PSIP1: variants seen among roughly 807,000 people sequenced by gnomAD.
The protein encoded by PSIP1 is PC4 and SRSF1 interacting protein 1.
PSIP1 carries 19 observed loss-of-function variants against 74.7 expected under a neutral mutation model. The observed-to-expected ratio is 0.25, with a 90% confidence interval of 0.18 to 0.37. PSIP1 has a LOEUF of 0.37. PSIP1 is among the 10% of genes least tolerant of loss of function. The pLI, the probability that PSIP1 is intolerant of heterozygous loss-of-function variation, is 1.00. For synonymous variants in PSIP1, 222 were observed against 195.3 expected (o/e 1.14, Z -1.14); for missense variants, 601 against 614.3 (o/e 0.98, Z 0.23).
intron 3 of PSIP1, among the ~76,000 whole-genome samples, chr9:15,497,871 T>A (rs914394028): frequency 2.6e-5 from 4 of 152,210 alleles, no homozygotes; most frequent in African/African-American, 9.6e-5. Flanking sequence ...CTTATTTGTA[T>A]ATATACATAT....
At chr9:15,489,008 G>C (rs369949951) in intron 4 of PSIP1, among the ~76,000 whole-genome samples, 5 of 152,008 alleles carry the variant, frequency 3.3e-5, no homozygotes, top group African/African-American at 4.8e-5. Flanking sequence ...GCGACAGAGC[G>C]AGACTCCTCT....
At chr9:15,491,573 G>C (rs1372107540) in intron 3 of PSIP1, among the ~76,000 whole-genome samples, 3 of 152,080 alleles carry the variant, frequency 2.0e-5, no homozygotes, top group Non-Finnish European at 2.9e-5. Context: ...TACACAGATA[G>C]TTCTTAATTT....
intron 6 of PSIP1, 117 bp from the exon 7 acceptor site, chr9:15,479,804 C>T (rs1224788601): frequency 3.6e-6 from 2 of 548,132 alleles, no homozygotes; most frequent in African/African-American, 3.9e-5. Flanking sequence ...GATATAACCT[C>T]TATATGATCT....
chr9:15,504,827 A>G (rs1310084064), intron 3 of PSIP1: 3 of 152,200 alleles, frequency 2.0e-5, no homozygotes, highest in Non-Finnish European at 4.4e-5. Flanking sequence ...ATGCTAAGGA[A>G]TGTCCACTCA....
chr9:15,471,529 C>A (rs2035830603), intron 10 of PSIP1: 1 of 975,030 alleles, frequency 1.0e-6, no homozygotes, highest in Non-Finnish European at 1.2e-6. Context: ...AACAGTCCAA[C>A]AGCTTTTCAG....
intron 2 of PSIP1, 55 bp from the exon 3 acceptor site, chr9:15,506,692 T>C (rs1255787041): frequency 1.4e-5 from 18 of 1,326,358 alleles, no homozygotes; most frequent in Non-Finnish European, 1.9e-5. Flanking sequence ...ACCTCAACAT[T>C]TATCTGAATA....
rs80175383 is a variant in PSIP1, at chr9:15,477,952, C to T, written c.629+525G>A. 6.4e-3 allele frequency among the ~76,000 whole-genome samples: 972 copies of T among 151,092 alleles called. 3 individuals carry two copies. The highest frequency in any genetic ancestry group is 0.012 in the Non-Finnish European group (781 of 67,736). The stretch of plus-strand genomic sequence containing the variant: ...CAGGAGTTTGAGACCAGCCTGGGAA[C>T]GATGAGACCAGTCTCATCAAAAAAA... On this transcript the variant is annotated intron_variant, in intron 8 of 15. Transcript: ENST00000380733.
At chr9:15,501,746 T>C (rs1178101975) in intron 3 of PSIP1, among the ~76,000 whole-genome samples, 1 of 151,386 alleles carries the variant, frequency 6.6e-6, no homozygotes, top group Admixed American at 6.6e-5. Flanking sequence ...GACTAGACAG[T>C]TGTACCTCCG....
chr9:15,496,312 A>G (rs532132079), intron 3 of PSIP1, among the ~76,000 whole-genome samples: 67 of 152,320 alleles, frequency 4.4e-4, no homozygotes, highest in African/African-American at 1.6e-3. Context: ...CTGCCTATAT[A>G]TACCCTTCTC....
intron 3 of PSIP1, among the ~76,000 whole-genome samples, chr9:15,494,526 T>C (rs1286943704): frequency 3.2e-5 from 4 of 123,206 alleles, no homozygotes; most frequent in South Asian, 5.0e-4. Context: ...GATCACACCA[T>C]TGCACTCCAG....
chr9:15,494,238 C>G (rs1428801493), intron 3 of PSIP1, among the ~76,000 whole-genome samples: 4 of 152,068 alleles, frequency 2.6e-5, no homozygotes, highest in Non-Finnish European at 4.4e-5. Flanking sequence ...TAAAAAGGCT[C>G]TAAAATAAAA....
intron 8 of PSIP1, among the ~76,000 whole-genome samples, chr9:15,478,154 T>A (rs982179908): frequency 6.6e-6 from 1 of 150,796 alleles, no homozygotes; most frequent in Non-Finnish European, 1.5e-5. Flanking sequence ...AAAAAAAAAT[T>A]TGTGACATTA....
chr9:15,474,670 C>A (rs1278396629), intron 8 of PSIP1, among the ~76,000 whole-genome samples: 2 of 152,184 alleles, frequency 1.3e-5, no homozygotes, highest in African/African-American at 4.8e-5. Flanking sequence ...CCCATCACCA[C>A]TGAATTTCAC....
At chr9:15,490,321 C>A (rs1001023129) in intron 3 of PSIP1, among the ~76,000 whole-genome samples, 197 bp from the exon 4 acceptor site, 1 of 152,150 alleles carries the variant, frequency 6.6e-6, no homozygotes, top group African/African-American at 2.4e-5. Context: ...AATCCATAAT[C>A]CTATTAAGTA....
Position 15,468,869 on chromosome 9 carries a change from T to C in PSIP1, c.1207-26A>G, listed in dbSNP as rs573418950. On this transcript the variant is annotated intron_variant, in intron 13 of 15. Transcript: ENST00000380733. Reference sequence around the variant, plus strand: ...CTGAGAAAACAATATACATTCATCATAATTGTTTTCCTAATTGATTTTTTA... The same window carrying C: ...CTGAGAAAACAATATACATTCATCACAATTGTTTTCCTAATTGATTTTTTA... 1.2e-4 allele frequency: 199 copies of C among 1,605,038 alleles called. 3 individuals are homozygous for C. In the South Asian group the frequency reaches 1.8e-3, roughly 14 times the overall value.
At chr9:15,470,350 A>T (rs1321605847) in intron 10 of PSIP1, among the ~76,000 whole-genome samples, 1 of 152,104 alleles carries the variant, frequency 6.6e-6, no homozygotes, top group Non-Finnish European at 1.5e-5. Context: ...AAAATAGACC[A>T]ATTTAATCAT....
chr9:15,489,660 A>G (rs2036736569), intron 4 of PSIP1, among the ~76,000 whole-genome samples: 2 of 151,858 alleles, frequency 1.3e-5, no homozygotes, highest in African/African-American at 4.8e-5. Context: ...AGAGAATAAG[A>G]AAACTTAGGC....
At position 15,471,404 on chromosome 9, in the gene PSIP1, A is replaced by C. The variant is rs117601221; in HGVS notation, c.977+1228T>G. On this transcript the variant is annotated intron_variant, in intron 10 of 15. Coordinates refer to ENST00000380733, the MANE Select transcript of PSIP1 (RefSeq NM_033222.5). The stretch of plus-strand genomic sequence containing the variant: ...AGTTACATTGGAGGACATTCAAAAG[A>C]AACTGAAATACATAAAGATAACTTT... The C allele has an allele frequency of 3.5e-3, 5,218 of 1,498,680 alleles. 13 individuals are homozygous for C. The highest frequency in any genetic ancestry group is 4.3e-3 in the Non-Finnish European group (4,826 of 1,114,992). The allele number at this position is 1,498,680 out of a possible 1,614,324, so 92.8% of individuals were successfully genotyped here.
intron 10 of PSIP1, 197 bp downstream of exon 10, chr9:15,472,435 C>T: frequency 1.5e-6 from 2 of 1,368,242 alleles, no homozygotes; most frequent in Non-Finnish European, 1.9e-6. Context: ...GTGACTGCCT[C>T]AGTCAATTTC....
Sources: allele counts gnomAD v4.1 joint callset (sites outside exome capture counted in the v4.1 genomes callset), GRCh38; gene constraint gnomAD v4.1.1; transcripts MANE v1.5; gene names NCBI Gene and HGNC (gene_info 2026-07-23, HGNC 2026-07-21).